LINC00305: variants seen among roughly 807,000 people sequenced by gnomAD.
The protein encoded by LINC00305 is long intergenic non-protein coding RNA 305.
chr18:64,115,251 A>C (rs1336928870), intron 1 of LINC00305, among the ~76,000 whole-genome samples: 1 of 152,208 alleles, frequency 6.6e-6, no homozygotes, highest in African/African-American at 2.4e-5. Context: ...TCCACTGTAC[A>C]TACGCAGGCA....
intron 1 of LINC00305, among the ~76,000 whole-genome samples, chr18:64,103,529 T>C (rs2051276399): frequency 6.6e-6 from 1 of 152,240 alleles, no homozygotes; most frequent in East Asian, 1.9e-4. Flanking sequence ...GATTTTGATT[T>C]CATATTCTGT....
intron 1 of LINC00305, among the ~76,000 whole-genome samples, chr18:64,136,583 C>A (rs140008364): frequency 2.0e-5 from 3 of 152,228 alleles, no homozygotes; most frequent in African/African-American, 4.8e-5. Context: ...TTGACACCTG[C>A]GGATTATTAC....
At chr18:64,101,610 A>T (rs1380366746) in intron 1 of LINC00305, among the ~76,000 whole-genome samples, 2 of 152,096 alleles carry the variant, frequency 1.3e-5, no homozygotes, top group African/African-American at 2.4e-5. Flanking sequence ...TCCCACCCTA[A>T]TCCACGATGA....
At chr18:64,100,928 G>A (rs2051265758) in intron 1 of LINC00305, among the ~76,000 whole-genome samples, 1 of 152,090 alleles carries the variant, frequency 6.6e-6, no homozygotes, top group African/African-American at 2.4e-5. Context: ...ATTTTATGGA[G>A]AAAACAGGGT....
intron 1 of LINC00305, among the ~76,000 whole-genome samples, chr18:64,143,675 TATGTATGTCCACATATTATGCGTAC>T (rs1296515277): frequency 2.9e-5 from 2 of 69,186 alleles, no homozygotes; most frequent in African/African-American, 5.2e-5. Context: ...TATGTATACA[TATGTATGTCCACATATTATGCGTAC>T]ATGTATGTCC....
chr18:64,131,314 C>T (rs528132394), intron 1 of LINC00305, among the ~76,000 whole-genome samples: 1 of 152,288 alleles, frequency 6.6e-6, no homozygotes, highest in East Asian at 1.9e-4. Flanking sequence ...GAAACCTTGA[C>T]TTCTATACAC....
chr18:64,083,610 G>A (rs1485683900), intron 3 of LINC00305, among the ~76,000 whole-genome samples: 1 of 152,152 alleles, frequency 6.6e-6, no homozygotes, highest in Non-Finnish European at 1.5e-5. Context: ...ACCAAGTGGT[G>A]CTGACGTGCA....
intron 3 of LINC00305, among the ~76,000 whole-genome samples, chr18:64,094,833 G>A (rs564769890): frequency 3.0e-4 from 38 of 126,924 alleles, no homozygotes; most frequent in African/African-American, 1.3e-3. Context: ...CAGCCTAAGG[G>A]ACAGAGCAAG....
intron 1 of LINC00305, among the ~76,000 whole-genome samples, chr18:64,146,214 T>C (rs927246776): frequency 6.6e-6 from 1 of 152,162 alleles, no homozygotes; most frequent in Non-Finnish European, 1.5e-5. Context: ...TTTAGAATAG[T>C]AGTATTAGAC....
chr18:64,081,503 T>A (rs1165673746), intron 3 of LINC00305, among the ~76,000 whole-genome samples: 1 of 152,138 alleles, frequency 6.6e-6, no homozygotes, highest in Admixed American at 6.5e-5. Context: ...AAGGAAAAAA[T>A]GTTCTCAAAA....
chr18:64,122,154 A>C (rs1230278330), intron 1 of LINC00305, among the ~76,000 whole-genome samples: 2 of 152,140 alleles, frequency 1.3e-5, no homozygotes, highest in African/African-American at 2.4e-5. Context: ...CACTCTACTG[A>C]TTATTTCTTT....
At chr18:64,107,482 G>T (rs1393419529) in intron 1 of LINC00305, among the ~76,000 whole-genome samples, 1 of 152,228 alleles carries the variant, frequency 6.6e-6, no homozygotes, top group East Asian at 1.9e-4. Context: ...CTGGAGTGAT[G>T]ATGGCTGCGT....
chr18:64,129,204 T>G (rs1198975433), intron 1 of LINC00305, among the ~76,000 whole-genome samples: 4 of 152,170 alleles, frequency 2.6e-5, no homozygotes, highest in Non-Finnish European at 5.9e-5. Context: ...GTAGTTTTCT[T>G]TTTACTTTGA....
At chr18:64,112,594 T>G (rs935239175) in intron 1 of LINC00305, among the ~76,000 whole-genome samples, 2 of 152,338 alleles carry the variant, frequency 1.3e-5, no homozygotes, top group Non-Finnish European at 2.9e-5. Context: ...ATAAGCAAGA[T>G]TCTATACTTA....
At chr18:64,102,417 C>T (rs1599211644) in intron 1 of LINC00305, among the ~76,000 whole-genome samples, 1 of 152,092 alleles carries the variant, frequency 6.6e-6, no homozygotes, top group Non-Finnish European at 1.5e-5. Flanking sequence ...TCCAGCAATA[C>T]GTACTCTGTG....
chr18:64,117,828 G>A (rs904012767), intron 1 of LINC00305, among the ~76,000 whole-genome samples: 7 of 152,212 alleles, frequency 4.6e-5, no homozygotes, highest in Middle Eastern at 3.4e-3. Context: ...GATATTTACC[G>A]TCAATCTGTT....
chr18:64,112,137 C>T (rs755495726), intron 1 of LINC00305, among the ~76,000 whole-genome samples: 11 of 152,074 alleles, frequency 7.2e-5, no homozygotes, highest in African/African-American at 2.4e-4. Context: ...AATCAGCCTG[C>T]CGCAGATGCT....
At chr18:64,135,260 A>T (rs553704648) in intron 1 of LINC00305, among the ~76,000 whole-genome samples, 17 of 152,294 alleles carry the variant, frequency 1.1e-4, no homozygotes, top group African/African-American at 4.1e-4. Flanking sequence ...CAGCTTTGTG[A>T]AAACCCTGTC....
At chr18:64,123,534 A>G (rs991958008) in intron 1 of LINC00305, among the ~76,000 whole-genome samples, 18 of 152,102 alleles carry the variant, frequency 1.2e-4, no homozygotes, top group African/African-American at 4.1e-4. Flanking sequence ...ATAAATTCAC[A>G]TAGCAGCAGT....
Sources: gnomAD v4.1 joint callset for allele counts (sites outside exome capture counted in the v4.1 genomes callset) on GRCh38, gnomAD v4.1.1 for gene constraint, MANE v1.5 for transcripts, NCBI Gene and HGNC (gene_info 2026-07-23, HGNC 2026-07-21) for gene names.